The following NPHP4 variants were observed in gnomAD, a reference collection of about 807,000 sequenced individuals.
NPHP4 encodes nephrocystin 4, also known as nephrocystin-4.
Under a neutral mutation model 155.8 loss-of-function variants are expected in NPHP4, and 151 were observed. That is an observed-to-expected ratio of 0.97 (90% CI 0.85 to 1.11). The LOEUF (loss-of-function observed/expected upper bound fraction) is 1.11. NPHP4 is among the 50% of genes least tolerant of loss of function. The pLI, the probability that NPHP4 is intolerant of heterozygous loss-of-function variation, is 0.00. For synonymous variants in NPHP4, 845 were observed against 816.8 expected (o/e 1.03, Z -0.59); for missense variants, 1,956 against 1,925.7 (o/e 1.02, Z -0.29).
At chr1:5,966,838 C>A (rs1219105032) in intron 5 of NPHP4, among the ~76,000 whole-genome samples, 1 of 152,204 alleles carries the variant, frequency 6.6e-6, no homozygotes, top group Non-Finnish European at 1.5e-5. Context: ...CCAAATGGCT[C>A]CCTCTGGCTG....
At chr1:5,929,828 T>C (rs376906111) in intron 10 of NPHP4, among the ~76,000 whole-genome samples, 1 of 152,166 alleles carries the variant, frequency 6.6e-6, no homozygotes, top group South Asian at 2.1e-4. Flanking sequence ...ATTTCATGAG[T>C]TGGGAATTGC....
At chr1:5,868,469 A>C (rs557313225) in intron 23 of NPHP4, 223 of 233,756 alleles carry the variant, frequency 9.5e-4, no homozygotes, top group Non-Finnish European at 1.8e-3. Flanking sequence ...ACTGATAAAA[A>C]GGCTATATTT....
Position 5,875,084 on chromosome 1 carries a change from C to A in NPHP4, c.2834G>T (p.Arg945Leu). 1.9e-6 allele frequency: 3 copies of A among 1,604,392 alleles called. No homozygotes were observed. The highest frequency in any genetic ancestry group is 2.7e-5 in the African/African-American group (2 of 75,006). The change falls in exon 21 of 30, where the codon CGC becomes CTC. Residue 945 changes from arginine to leucine, a missense_variant. Transcript: ENST00000378156. ...CTGTAGGTCCCGCAAGTGCTGTGTG[C>A]GGACGCTCTGCTGCGCCTGCAGACA... is the stretch of plus-strand genomic sequence containing the variant. ...GTSVLAQQSVRTQHLRDLQVI... is the reference protein window; with the variant it reads ...GTSVLAQQSVLTQHLRDLQVI...
chr1:5,952,846 T>G lies in NPHP4; in HGVS notation c.674-10A>C, dbSNP rs1031299307. The G allele has an allele frequency of 6.3e-7, 1 of 1,593,480 alleles. No homozygotes were observed. The highest frequency in any genetic ancestry group is 8.5e-7 in the Non-Finnish European group (1 of 1,170,374). ...TTTCGGAGAGCGTCGCCTGAAACAG[T>G]GAGGGTGCGAAAAGGGTCATCCTTG... On this transcript the variant is annotated splice_polypyrimidine_tract_variant and intron_variant, in intron 6 of 29. Transcript: ENST00000378156.
chr1:5,944,841 G>C lies in NPHP4; in HGVS notation c.1119+2263C>G, dbSNP rs559149226. Among the ~76,000 whole-genome samples the C allele has an allele frequency of 3.3e-5, 5 of 152,258 alleles. No homozygotes were observed. The East Asian group carries it at 9.7e-4, about 29-fold the overall frequency. On this transcript the variant is annotated intron_variant, in intron 9 of 29. Transcript: ENST00000378156. This position sits in a 1 kb window ranked among gnomAD's most constrained non-coding sequence, Gnocchi z 4.3. ...AAAAATTAGCTGGGCATGGTGGCCC[G>C]TGCCTATAGTCCCAGCTACTCAGGA... is the stretch of plus-strand genomic sequence containing the variant.
chr1:5,872,566 G>A (rs557770411), intron 23 of NPHP4, among the ~76,000 whole-genome samples: 43 of 152,310 alleles, frequency 2.8e-4, no homozygotes, highest in African/African-American at 8.9e-4. Context: ...GATGGGGCCC[G>A]GTGGACACAG....
rs1014167292 is a variant in NPHP4, at chr1:5,944,460, T to C, written c.1119+2644A>G. On this transcript the variant is annotated intron_variant, in intron 9 of 29. Transcript: ENST00000378156. This position sits in a 1 kb window ranked among gnomAD's most constrained non-coding sequence, Gnocchi z 4.3. ...GCCACCGTCACAGACGGCCCCGCCA[T>C]TGTGCCTTTCTCCTCTCACGTCCCG... Among the ~76,000 whole-genome samples, 1 of 152,192 alleles carries C rather than the reference T, an allele frequency of 6.6e-6. No individual in the cohort carries two copies. Among genetic ancestry groups the C allele is most frequent in the Non-Finnish European group, 1.5e-5 (1 of 68,024 alleles).
chr1:5,982,934 C>T (rs535089930), intron 2 of NPHP4, among the ~76,000 whole-genome samples: 1 of 152,172 alleles, frequency 6.6e-6, no homozygotes, highest in African/African-American at 2.4e-5. Flanking sequence ...AATGGCCCAG[C>T]ATACGGTCTA....
intron 5 of NPHP4, 99 bp from the exon 6 acceptor site, chr1:5,962,048 C>T (rs986552552): frequency 1.9e-5 from 17 of 892,098 alleles, no homozygotes; most frequent in Non-Finnish European, 2.7e-5. Flanking sequence ...ACACCACAAA[C>T]AGGAAAAGGA....
intron 9 of NPHP4, among the ~76,000 whole-genome samples, chr1:5,939,122 GC>G (rs1646694417): frequency 6.6e-6 from 1 of 152,108 alleles, no homozygotes; most frequent in Non-Finnish European, 1.5e-5. Context: ...AGCCACAAGT[GC>G]CCCCAGTATT....
rs1381018935 is a variant in NPHP4 at position 5,882,893 on chromosome 1, C to T, written c.2486-2654G>A. The T allele has an allele frequency of 6.6e-6, 1 of 152,396 alleles. No individual in the cohort carries two copies. The highest frequency in any genetic ancestry group is 1.5e-5 in the Non-Finnish European group (1 of 68,150). 9.4% of individuals were successfully genotyped at this position (152,396 alleles called of 1,614,324 possible). A position where few individuals can be genotyped will look rare whatever the true frequency, so the allele number is the denominator to read the frequency against. ...AGGAATCCGTTTTTGGCCCTGACAA[C>T]TCGTGGTCACAGGATCAAGATCCTC... On this transcript the variant is annotated intron_variant, in intron 18 of 29. Transcript: ENST00000378156. The surrounding 1 kb of genome is among the most constrained non-coding windows in gnomAD (Gnocchi z 5.1).
chr1:5,952,873 G>C (rs762839596), intron 6 of NPHP4, 37 bp from the exon 7 acceptor site: 1 of 1,560,010 alleles, frequency 6.4e-7, no homozygotes, highest in Non-Finnish European at 8.7e-7. Context: ...TCATCCTTGG[G>C]AATAAAACAC....
intron 11 of NPHP4, among the ~76,000 whole-genome samples, chr1:5,922,263 T>C (rs1253426728): frequency 6.6e-6 from 1 of 152,236 alleles, no homozygotes; most frequent in Non-Finnish European, 1.5e-5. Flanking sequence ...GATTTAAGAC[T>C]ATAGGACCCA....
intron 4 of NPHP4, among the ~76,000 whole-genome samples, 193 bp downstream of exon 4, chr1:5,968,894 C>T (rs990232324): frequency 4.0e-5 from 6 of 151,816 alleles, no homozygotes; most frequent in African/African-American, 1.5e-4. Flanking sequence ...ATCAGCTGGG[C>T]GTGGCACCTG....
At chr1:5,962,148 A>T (rs1306041849) in intron 5 of NPHP4, among the ~76,000 whole-genome samples, 199 bp from the exon 6 acceptor site, 1 of 152,180 alleles carries the variant, frequency 6.6e-6, no homozygotes, top group Non-Finnish European at 1.5e-5. Context: ...GTTACAATTT[A>T]AAAAATGTTT....
intron 5 of NPHP4, 97 bp downstream of exon 5, chr1:5,967,202 T>C: frequency 1.0e-6 from 1 of 962,386 alleles, no homozygotes; most frequent in Non-Finnish European, 1.6e-6. Flanking sequence ...AGATAGCAGT[T>C]TACACTGAGA....
At chr1:5,952,644 G>A (rs560240147) in intron 7 of NPHP4, 56 bp downstream of exon 7, 22 of 840,212 alleles carry the variant, frequency 2.6e-5, no homozygotes, top group South Asian at 1.0e-4. Flanking sequence ...TGCCCTACCC[G>A]GGTCCCACCC....
In NPHP4 at chr1:5,905,762, C is replaced by T. The variant is rs376353686; in HGVS notation, c.1633G>A (p.Gly545Ser). 13 of 1,609,180 alleles carry T rather than the reference C, an allele frequency of 8.1e-6. No homozygotes were observed. Among genetic ancestry groups the T allele is most frequent in the African/African-American group, 4.0e-5 (3 of 74,916 alleles). The change falls in exon 14 of 30, where the codon GGT becomes AGT. Residue 545 changes from glycine (G) to serine (S), a missense_variant. Coordinates refer to ENST00000378156, the MANE Select transcript of NPHP4 (RefSeq NM_015102.5). The surrounding 1 kb of genome is among the most constrained non-coding windows in gnomAD (Gnocchi z 4.0). ...AGGTCGGCTTCCAGGTGGGAGATAC[C>T]GGCCTCCAACGGGAACTCCTGCTGA... is the stretch of plus-strand genomic sequence containing the variant. ...AQAQEFPLEA[G>S]ISHLEADLSQ...
chr1:5,868,109 C>T (rs974162767), intron 23 of NPHP4: 8 of 690,030 alleles, frequency 1.2e-5, no homozygotes, highest in African/African-American at 8.8e-5. Context: ...AGGTCTGGGC[C>T]GGCACCCACA....
Sources: allele counts gnomAD v4.1 joint callset (sites outside exome capture counted in the v4.1 genomes callset), GRCh38; gene constraint gnomAD v4.1.1; non-coding constraint Gnocchi (gnomAD v3.1); transcripts MANE v1.5; gene names NCBI Gene and HGNC (gene_info 2026-07-23, HGNC 2026-07-21).